The following SYBU variants were observed in gnomAD, a reference collection of about 807,000 sequenced individuals.
SYBU encodes the protein GOLSYN A protein.
Under a neutral mutation model 35.9 loss-of-function variants are expected in SYBU, and 21 were observed. That is an observed-to-expected ratio of 0.58 (90% CI 0.41 to 0.84). SYBU has a LOEUF of 0.84. SYBU is among the 40% of genes least tolerant of loss of function. The pLI, the probability that SYBU is intolerant of heterozygous loss-of-function variation, is 0.00. For missense variants in SYBU, 768 were observed against 848.2 expected (o/e 0.91, Z 1.17); for synonymous variants, 319 against 324.3 (o/e 0.98, Z 0.18).
At position 109,575,279 on chromosome 8, in the gene SYBU, A is replaced by G; in HGVS notation, c.1619T>C (p.Val540Ala). The part of the protein sequence containing the change: ...ESFPESLSAL[V>A]VDLTPRNPNS... ...TGGATTTCTTGGAGTTAAATCAACC[A>G]CTAAGGCAGAGAGGGACTCTGGGAA... The change falls in exon 7 of 7, where the codon GTG becomes GCG. Residue 540 changes from valine to alanine, a missense_variant. By Grantham distance (64) the Val-to-Ala change is moderately conservative. Coordinates refer to ENST00000276646, the MANE Select transcript of SYBU (RefSeq NM_001099754.2). 6.2e-7 allele frequency: 1 copy of G among 1,614,168 alleles called. No individual in the cohort carries two copies.
intron 1 of SYBU, among the ~76,000 whole-genome samples, chr8:109,679,067 G>T (rs1220608442): frequency 6.6e-6 from 1 of 152,154 alleles, no homozygotes; most frequent in Non-Finnish European, 1.5e-5. Context: ...CCAAAACCAA[G>T]ATGGCCATGA....
rs1342408996 is a variant in SYBU, at chr8:109,574,206, T to C, written c.*700A>G. The C allele has an allele frequency of 6.6e-6, 1 of 152,580 alleles. No individual in the cohort carries two copies. The highest frequency in any genetic ancestry group is 2.4e-5 in the African/African-American group (1 of 41,468). 9.5% of individuals were successfully genotyped at this position (152,580 alleles called of 1,614,324 possible). A position where few individuals can be genotyped will look rare whatever the true frequency, so the allele number is the denominator to read the frequency against. ...ATTTTATGGGAGGATAAAACATTTA[T>C]TTAAATGGAAACACTAATCTTTATT... On this transcript the variant is annotated 3_prime_UTR_variant, in exon 7 of 7. Transcript: ENST00000276646.
upstream of SYBU, chr8:109,645,633 G>GTTTT (rs77642059): frequency 7.6e-4 from 175 of 230,832 alleles, 3 homozygotes; most frequent in African/African-American, 4.5e-3. Context: ...TTCGTTTTTT[G>GTTTT]TTTTTTTTTT....
chr8:109,618,354 T>C (rs1028282617), intron 3 of SYBU, among the ~76,000 whole-genome samples: 28 of 152,200 alleles, frequency 1.8e-4, no homozygotes, highest in African/African-American at 6.5e-4. Context: ...TTTATACATA[T>C]CATATTCATA....
chr8:109,591,506 A>ATTTTTTTTTTTTTTTTTTTTT (rs1047402673), intron 3 of SYBU, among the ~76,000 whole-genome samples: 1 of 100,914 alleles, frequency 9.9e-6, no homozygotes, highest in Non-Finnish European at 1.9e-5. Context: ...AAAAATGTAA[A>ATTTTTTTTTTTTTTTTTTTTT]TTTTTTTTTT....
chr8:109,637,924 C>T (rs1469050411), intron 2 of SYBU, among the ~76,000 whole-genome samples: 1 of 152,188 alleles, frequency 6.6e-6, no homozygotes, highest in Non-Finnish European at 1.5e-5. Context: ...TAACAAAATA[C>T]TTTCTGCAAA....
At chr8:109,609,215 A>C (rs1017748885) in intron 3 of SYBU, among the ~76,000 whole-genome samples, 3 of 152,142 alleles carry the variant, frequency 2.0e-5, no homozygotes, top group Non-Finnish European at 4.4e-5. Context: ...GCTCTCTCCT[A>C]ATTACCTTCT....
chr8:109,644,908 C>A, upstream of SYBU: 1 of 551,140 alleles, frequency 1.8e-6, no homozygotes, highest in Non-Finnish European at 3.3e-6. Context: ...GCCTCCCACG[C>A]CCTCCCTCAC....
chr8:109,665,462 T>C (rs1422720140), intron 1 of SYBU, among the ~76,000 whole-genome samples: 2 of 152,214 alleles, frequency 1.3e-5, no homozygotes, highest in Non-Finnish European at 2.9e-5. Flanking sequence ...AAGTTTTAAA[T>C]TATTTAAAAT....
chr8:109,659,306 T>C (rs139313442), intron 1 of SYBU, among the ~76,000 whole-genome samples: 18 of 152,302 alleles, frequency 1.2e-4, no homozygotes, highest in Non-Finnish European at 2.2e-4. Context: ...GAATTTCTGG[T>C]TTAGCCAATG....
intron 3 of SYBU, among the ~76,000 whole-genome samples, chr8:109,615,983 ATTTCTTTTCT>A (rs200052278): frequency 6.4e-5 from 7 of 109,466 alleles, no homozygotes; most frequent in South Asian, 3.6e-4. Context: ...ATTCCCTGTA[ATTTCTTTTCT>A]TTTCTTTTCT....
intron 1 of SYBU, among the ~76,000 whole-genome samples, chr8:109,673,883 G>A (rs1370158873): frequency 1.3e-5 from 2 of 152,174 alleles, no homozygotes; most frequent in South Asian, 2.1e-4. Context: ...ACTTTGTGAA[G>A]CATACACAAG....
In SYBU at chr8:109,607,982, G is replaced by T. The variant is rs140764877; in HGVS notation, c.427+10860C>A. ...AAACAGCCTCCCAGCACAGGCTGGG[G>T]TATGTCTTTTGCAGAAATACAGTGT... On this transcript the variant is annotated intron_variant, in intron 3 of 6. Coordinates refer to ENST00000276646, the MANE Select transcript of SYBU (RefSeq NM_001099754.2). 27 of 1,533,424 alleles carry T rather than the reference G, an allele frequency of 1.8e-5. No individual in the cohort carries two copies. The Middle Eastern group carries it at 2.0e-3, about 114-fold the overall frequency. 95.0% of individuals were successfully genotyped at this position (1,533,424 alleles called of 1,614,324 possible).
At chr8:109,623,505 A>C (rs568329882) in intron 2 of SYBU, among the ~76,000 whole-genome samples, 1 of 152,202 alleles carries the variant, frequency 6.6e-6, no homozygotes, top group Non-Finnish European at 1.5e-5. Flanking sequence ...AATAGTTTCC[A>C]GATTGTCATC....
chr8:109,686,814 T>G (rs1483762160), intron 1 of SYBU, among the ~76,000 whole-genome samples: 1 of 152,234 alleles, frequency 6.6e-6, no homozygotes, highest in Non-Finnish European at 1.5e-5. Context: ...ATTAAATTCA[T>G]ATTTCATTCC....
chr8:109,661,921 T>C (rs1198127239), intron 1 of SYBU, among the ~76,000 whole-genome samples: 1 of 152,232 alleles, frequency 6.6e-6, no homozygotes, highest in Non-Finnish European at 1.5e-5. Context: ...GCTTTTAACT[T>C]CATTCTCATG....
At position 109,583,990 on chromosome 8, in the gene SYBU, G is replaced by A. The variant is rs939226633; in HGVS notation, c.530+2070C>T. The stretch of plus-strand genomic sequence containing the variant: ...TGCCCGGCTAATTTTTTTTTTTTTT[G>A]TATTTTTAGTAGACACGGGGTTTCA... On this transcript the variant is annotated intron_variant, in intron 4 of 6. Coordinates refer to ENST00000276646, the MANE Select transcript of SYBU (RefSeq NM_001099754.2). Among the ~76,000 whole-genome samples the A allele has an allele frequency of 1.0e-3, 138 of 136,578 alleles. 1 individual carries two copies. Among genetic ancestry groups the A allele is most frequent in the South Asian group, 4.1e-3 (18 of 4,344 alleles). 89.6% of individuals were successfully genotyped at this position (136,578 alleles called of 152,430 possible). A position where few individuals can be genotyped will look rare whatever the true frequency, so the allele number is the denominator to read the frequency against.
At chr8:109,682,977 A>G (rs1817435654), upstream of SYBU, among the ~76,000 whole-genome samples, 1 of 152,224 alleles carries the variant, frequency 6.6e-6, no homozygotes, top group Non-Finnish European at 1.5e-5. Flanking sequence ...CTGTGGGTGC[A>G]TAGAAGTCAA....
At chr8:109,639,998 T>C (rs1262102791) in intron 2 of SYBU, among the ~76,000 whole-genome samples, 2 of 152,092 alleles carry the variant, frequency 1.3e-5, no homozygotes, top group African/African-American at 4.8e-5. Context: ...GAGAAAGGCA[T>C]TAGACTCAAA....
Sources: gnomAD v4.1 joint callset for allele counts (sites outside exome capture counted in the v4.1 genomes callset) on GRCh38, gnomAD v4.1.1 for gene constraint, MANE v1.5 for transcripts, NCBI Gene and HGNC (gene_info 2026-07-23, HGNC 2026-07-21) for gene names.